The following DPH6 variants were observed in gnomAD, a reference collection of about 807,000 sequenced individuals.
DPH6 encodes the protein diphthine--ammonia ligase.
Under a neutral mutation model 38.2 loss-of-function variants are expected in DPH6, and 33 were observed. The observed-to-expected ratio is 0.86, with a 90% confidence interval of 0.65 to 1.15. The LOEUF is 1.15. DPH6 is among the 50% of genes most tolerant of loss of function. The pLI, the probability that DPH6 is intolerant of heterozygous loss-of-function variation, is 0.00. For synonymous variants in DPH6, 108 were observed against 103.0 expected, an observed-to-expected ratio of 1.05 and a Z score of -0.30; for missense variants, 325 against 320.0, an observed-to-expected ratio of 1.02 and a Z score of -0.12.
intron 3 of DPH6, among the ~76,000 whole-genome samples, chr15:35,359,919 T>C (rs1362702792): frequency 1.3e-5 from 2 of 152,210 alleles, no homozygotes; most frequent in East Asian, 3.9e-4. Context: ...ATTGTCTTCC[T>C]GGCTTCAGTA....
chr15:35,448,238 T>C (rs2053882563), intron 5 of DPH6, among the ~76,000 whole-genome samples: 2 of 152,200 alleles, frequency 1.3e-5, no homozygotes, highest in Admixed American at 6.5e-5. Flanking sequence ...AGAAAGATTA[T>C]AGAAGTTCTT....
intron 3 of DPH6, among the ~76,000 whole-genome samples, chr15:35,494,567 C>T (rs1485838491): frequency 6.6e-6 from 1 of 151,910 alleles, no homozygotes; most frequent in Non-Finnish European, 1.5e-5. Context: ...TGAAATTCAC[C>T]CTTCAAAGTA....
chr15:35,280,020 G>T (rs111324372), intron 3 of DPH6, among the ~76,000 whole-genome samples: 150 of 152,310 alleles, frequency 9.8e-4, no homozygotes, highest in African/African-American at 3.5e-3. Context: ...AGAAGACAGA[G>T]CCCTCATCAG....
chr15:35,474,576 T>C (rs1356103147), intron 3 of DPH6, among the ~76,000 whole-genome samples: 1 of 152,192 alleles, frequency 6.6e-6, no homozygotes, highest in African/African-American at 2.4e-5. Context: ...TCATAGATCA[T>C]CTTTTGGCTA....
At chr15:35,183,102 C>G in the DPH6 span, among the ~76,000 whole-genome samples, 1 of 152,328 alleles carries the variant, frequency 6.6e-6, no homozygotes, top group Middle Eastern at 3.4e-3. Flanking sequence ...AGCCTTTAAT[C>G]TCCCTTGCTG....
At chr15:35,436,514 C>CAAAAAAAAAAA (rs1277172991) in intron 5 of DPH6, among the ~76,000 whole-genome samples, 25 of 123,214 alleles carry the variant, frequency 2.0e-4, no homozygotes, top group Admixed American at 4.0e-4. Context: ...CAAAACAAAA[C>CAAAAAAAAAAA]AAAAAAGGTT....
rs562008145 is a variant in DPH6 at position 35,415,576 on chromosome 15, G to C, written c.506-4680C>G. 3.9e-5 allele frequency among the ~76,000 whole-genome samples: 6 copies of C among 152,048 alleles called. No individual in the cohort carries two copies. In the East Asian group the frequency reaches 1.2e-3, roughly 29 times the overall value. On this transcript the variant is annotated intron_variant, in intron 5 of 8. Transcript: ENST00000256538. ...ATGGCTGTATTCCACAGTGGATAAAGTTATTTGGGTTGCCTTTAAATATGA... is the reference window on the plus strand; with the variant it reads ...ATGGCTGTATTCCACAGTGGATAAACTTATTTGGGTTGCCTTTAAATATGA...
At chr15:35,262,892 T>C (rs1265023440) in intron 3 of DPH6, among the ~76,000 whole-genome samples, 1 of 152,096 alleles carries the variant, frequency 6.6e-6, no homozygotes, top group Non-Finnish European at 1.5e-5. Flanking sequence ...TGTCTTAAAG[T>C]AGAAAACTAA....
At chr15:35,534,928 C>A (rs62003634) in intron 3 of DPH6, among the ~76,000 whole-genome samples, 425 of 152,278 alleles carry the variant, frequency 2.8e-3, no homozygotes, top group Non-Finnish European at 4.1e-3. Flanking sequence ...TTATCTTCTG[C>A]CAACTACCCA....
chr15:35,197,812 A>AT, the DPH6 span, among the ~76,000 whole-genome samples: 5 of 152,110 alleles, frequency 3.3e-5, no homozygotes, highest in East Asian at 1.9e-4. Context: ...AAACAGGGGA[A>AT]TTTTTTTCTG....
At chr15:35,356,690 C>T (rs2052563529) in intron 3 of DPH6, among the ~76,000 whole-genome samples, 1 of 152,142 alleles carries the variant, frequency 6.6e-6, no homozygotes, top group Non-Finnish European at 1.5e-5. Context: ...TCAGTCTGCC[C>T]CTACTGTGAG....
At chr15:35,522,810 A>T (rs2054940930) in intron 3 of DPH6, among the ~76,000 whole-genome samples, 1 of 152,142 alleles carries the variant, frequency 6.6e-6, no homozygotes, top group South Asian at 2.1e-4. Flanking sequence ...TATATCCTAC[A>T]GATAATTTTT....
the DPH6 span, among the ~76,000 whole-genome samples, chr15:35,178,827 C>T: frequency 6.6e-6 from 1 of 152,004 alleles, no homozygotes; most frequent in Non-Finnish European, 1.5e-5. Context: ...CAACTGTAAG[C>T]TTTTGAATAA....
At chr15:35,153,771 A>G in the DPH6 span, among the ~76,000 whole-genome samples, 6 of 152,318 alleles carry the variant, frequency 3.9e-5, no homozygotes, top group South Asian at 1.2e-3. Context: ...AACATAACAT[A>G]AGCCCCTTCA....
chr15:35,229,812 G>A lies in DPH6; in HGVS notation n.201-9230C>T, dbSNP rs139631638. Among the ~76,000 whole-genome samples the A allele has an allele frequency of 2.0e-5, 3 of 152,322 alleles. No homozygotes were observed. The East Asian group carries it at 5.8e-4, about 29-fold the overall frequency. ...CTTGTAGAGGTATACTGCCTTGACT[G>A]GACAAGATCCAGGAGAATTCTCTGG... On this transcript the variant is annotated intron_variant and non_coding_transcript_variant, in intron 3 of 3. Transcript: ENST00000560386.
intron 3 of DPH6, among the ~76,000 whole-genome samples, chr15:35,289,463 AT>A (rs2051964861): frequency 6.6e-6 from 1 of 152,186 alleles, no homozygotes; most frequent in Admixed American, 6.5e-5. Flanking sequence ...TCTGTGATTT[AT>A]TTTTTATGAT....
At chr15:35,335,234 A>G (rs1009559373) in intron 3 of DPH6, among the ~76,000 whole-genome samples, 3 of 152,098 alleles carry the variant, frequency 2.0e-5, no homozygotes, top group African/African-American at 7.2e-5. Flanking sequence ...TCCTTTGCCC[A>G]CTTTTTAATG....
chr15:35,464,246 A>C (rs2054100439), intron 3 of DPH6, among the ~76,000 whole-genome samples: 1 of 151,822 alleles, frequency 6.6e-6, no homozygotes, highest in Non-Finnish European at 1.5e-5. Context: ...GTGAGCCGAG[A>C]TCGTGCTACA....
chr15:35,419,419 G>A (rs1222243910), intron 5 of DPH6, among the ~76,000 whole-genome samples: 1 of 152,016 alleles, frequency 6.6e-6, no homozygotes, highest in Non-Finnish European at 1.5e-5. Context: ...AGCTCTTAGA[G>A]GTTGTGTTAT....
Sources: allele counts gnomAD v4.1 joint callset (sites outside exome capture counted in the v4.1 genomes callset), GRCh38; gene constraint gnomAD v4.1.1; transcripts MANE v1.5; gene names NCBI Gene and HGNC (gene_info 2026-07-23, HGNC 2026-07-21).